The following SGCZ variants were observed in gnomAD, a reference collection of about 807,000 sequenced individuals.
The protein encoded by SGCZ is sarcoglycan zeta, also known as zeta-sarcoglycan.
A neutral mutation model predicts 41.3 loss-of-function variants in SGCZ; 40 were observed. The observed-to-expected ratio is 0.97, with a 90% CI of 0.75 to 1.26. The LOEUF is 1.26. Ranked by LOEUF, SGCZ falls within the 50% of genes most tolerant of loss-of-function variation. The pLI is 0.00. For missense variants in SGCZ, 552 were observed against 369.8 expected (o/e 1.49, Z -4.04); for synonymous variants, 206 against 137.5 (o/e 1.50, Z -3.49).
chr8:14,762,757 T>A (rs1411105743), intron 1 of SGCZ, among the ~76,000 whole-genome samples: 1 of 152,230 alleles, frequency 6.6e-6, no homozygotes. Flanking sequence ...TTCACGTTGA[T>A]CTTTTTATAA....
At chr8:14,831,026 A>T (rs1802507343) in intron 1 of SGCZ, among the ~76,000 whole-genome samples, 1 of 152,184 alleles carries the variant, frequency 6.6e-6, no homozygotes. Context: ...CTCCTAAGTA[A>T]TAATGTGAAC....
intron 1 of SGCZ, among the ~76,000 whole-genome samples, chr8:14,807,039 G>T: frequency 6.6e-6 from 1 of 151,950 alleles, no homozygotes; most frequent in South Asian, 2.1e-4. Context: ...CAACGCTTCA[G>T]GCTAAAAACT....
intron 1 of SGCZ, among the ~76,000 whole-genome samples, chr8:15,180,256 T>A (rs1031410827): frequency 1.3e-5 from 2 of 152,220 alleles, no homozygotes; most frequent in Non-Finnish European, 2.9e-5. Flanking sequence ...GCTTCAAATG[T>A]GTAGAAAGTT....
chr8:14,464,821 T>C (rs1801004430), intron 2 of SGCZ, among the ~76,000 whole-genome samples: 1 of 151,662 alleles, frequency 6.6e-6, no homozygotes, highest in Admixed American at 6.6e-5. Flanking sequence ...TTTATATCCC[T>C]TGTGATTTTA....
At chr8:15,013,557 C>T (rs1244842176) in intron 1 of SGCZ, among the ~76,000 whole-genome samples, 1 of 152,098 alleles carries the variant, frequency 6.6e-6, no homozygotes, top group Non-Finnish European at 1.5e-5. Context: ...GATTCCTCCT[C>T]TATAGGTATC....
intron 2 of SGCZ, among the ~76,000 whole-genome samples, chr8:14,479,888 G>A (rs1801486495): frequency 6.7e-6 from 1 of 149,750 alleles, no homozygotes; most frequent in South Asian, 2.2e-4. Context: ...TGGGATTACA[G>A]GCGTGCACTA....
intron 1 of SGCZ, among the ~76,000 whole-genome samples, chr8:14,898,295 G>C (rs1480781716): frequency 6.6e-6 from 1 of 152,112 alleles, no homozygotes; most frequent in East Asian, 1.9e-4. Flanking sequence ...AAAGATCCAG[G>C]CAAAGAGTGA....
intron 1 of SGCZ, among the ~76,000 whole-genome samples, chr8:14,573,507 A>G (rs972356280): frequency 1.3e-5 from 2 of 151,984 alleles, no homozygotes; most frequent in East Asian, 3.9e-4. Flanking sequence ...TTTTTATTCT[A>G]TTAAACACAT....
intron 1 of SGCZ, among the ~76,000 whole-genome samples, chr8:14,639,629 C>T (rs1417124357): frequency 1.3e-5 from 2 of 151,766 alleles, no homozygotes; most frequent in African/African-American, 4.8e-5. Context: ...CTAATTTTCA[C>T]ATTTTAAAAT....
At chr8:15,157,405 C>A (rs1056787808) in intron 1 of SGCZ, among the ~76,000 whole-genome samples, 1 of 150,308 alleles carries the variant, frequency 6.7e-6, no homozygotes, top group Non-Finnish European at 1.5e-5. Context: ...GGTGACAAAG[C>A]AAGACCGTCT....
At chr8:15,229,009 C>A (rs1269070291) in intron 1 of SGCZ, among the ~76,000 whole-genome samples, 1 of 152,144 alleles carries the variant, frequency 6.6e-6, no homozygotes, top group Non-Finnish European at 1.5e-5. Context: ...GCCTGGCCAA[C>A]ATGGTGAAAC....
At chr8:14,616,781 C>A (rs138855730) in intron 1 of SGCZ, among the ~76,000 whole-genome samples, 8 of 152,120 alleles carry the variant, frequency 5.3e-5, no homozygotes, top group African/African-American at 1.9e-4. Flanking sequence ...TGTAAAACAC[C>A]CAAAATAGTA....
intron 4 of SGCZ, among the ~76,000 whole-genome samples, chr8:14,185,544 T>C (rs576475725): frequency 4.6e-5 from 7 of 152,330 alleles, no homozygotes; most frequent in African/African-American, 1.7e-4. Flanking sequence ...TTTCATGTGA[T>C]CTTTCTCACT....
Position 14,198,546 on chromosome 8 carries a change from A to G in SGCZ, c.425-33844T>C, listed in dbSNP as rs578258749. Among the ~76,000 whole-genome samples, 5 of 152,118 alleles carry G rather than the reference A, an allele frequency of 3.3e-5. No individual in the cohort carries two copies. In the East Asian group the frequency reaches 9.6e-4, roughly 29 times the overall value. ...TGTAGTACAAACCCCAGTATCATGT[A>G]ATATACCTCAGAAACAAATTGCACA... On this transcript the variant is annotated intron_variant, in intron 4 of 7. Transcript: ENST00000382080.
At chr8:14,396,339 C>A (rs1798918466) in intron 2 of SGCZ, among the ~76,000 whole-genome samples, 1 of 145,802 alleles carries the variant, frequency 6.9e-6, no homozygotes, top group Non-Finnish European at 1.5e-5. Context: ...CTTCTTATTG[C>A]CACTAATATT....
intron 1 of SGCZ, among the ~76,000 whole-genome samples, chr8:14,757,918 G>T (rs1199903490): frequency 6.6e-6 from 1 of 152,044 alleles, no homozygotes; most frequent in East Asian, 1.9e-4. Flanking sequence ...CTTTAAATGT[G>T]TTAAATAGTT....
intron 1 of SGCZ, among the ~76,000 whole-genome samples, chr8:14,920,536 A>G (rs911421749): frequency 2.6e-5 from 4 of 152,220 alleles, no homozygotes; most frequent in African/African-American, 9.6e-5. Flanking sequence ...ATACAAAGAC[A>G]GCTCCATAGA....
intron 1 of SGCZ, among the ~76,000 whole-genome samples, chr8:14,707,832 C>A (rs1809381835): frequency 6.6e-6 from 1 of 152,046 alleles, no homozygotes; most frequent in Admixed American, 6.6e-5. Context: ...ATTTTTGACA[C>A]AATTGAGTTT....
chr8:14,166,261 A>AAAAT (rs1359273229), intron 4 of SGCZ, among the ~76,000 whole-genome samples: 3 of 152,188 alleles, frequency 2.0e-5, no homozygotes, highest in Non-Finnish European at 4.4e-5. Flanking sequence ...TAATTTAATG[A>AAAAT]AAATATGGAA....
Sources: gnomAD v4.1 joint callset for allele counts (sites outside exome capture counted in the v4.1 genomes callset) on GRCh38, gnomAD v4.1.1 for gene constraint, MANE v1.5 for transcripts, NCBI Gene and HGNC (gene_info 2026-07-23, HGNC 2026-07-21) for gene names.